The following GRIA1 variants were observed in gnomAD, a reference collection of about 807,000 sequenced individuals.
The protein encoded by GRIA1 is glutamate receptor 1.
Under a neutral mutation model 99.2 loss-of-function variants are expected in GRIA1, and 31 were observed. That is an observed-to-expected ratio of 0.31 (90% CI 0.23 to 0.42). The LOEUF (loss-of-function observed/expected upper bound fraction) is 0.42, where lower values mean the gene tolerates loss of function less well. GRIA1 is among the 10% of genes least tolerant of loss of function. The pLI, the probability that GRIA1 is intolerant of heterozygous loss-of-function variation, is 1.00. For missense variants in GRIA1, 782 were observed against 1,157.5 expected, an observed-to-expected ratio of 0.68 and a Z score of 4.71; for synonymous variants, 438 against 432.4, an observed-to-expected ratio of 1.01 and a Z score of -0.16.
chr5:153,598,494 GA>G (rs1253916136), intron 2 of GRIA1, among the ~76,000 whole-genome samples: 2 of 152,128 alleles, frequency 1.3e-5, no homozygotes, highest in African/African-American at 4.8e-5. Flanking sequence ...AGATAAGGTG[GA>G]AAAGCAGTTT....
intron 2 of GRIA1, among the ~76,000 whole-genome samples, chr5:153,580,993 G>A (rs1402277160): frequency 6.6e-6 from 1 of 152,202 alleles, no homozygotes; most frequent in African/African-American, 2.4e-5. Context: ...GATGTTTCAA[G>A]AGATAACCCT....
intron 2 of GRIA1, among the ~76,000 whole-genome samples, chr5:153,578,315 C>T (rs1762757891): frequency 6.6e-6 from 1 of 151,974 alleles, no homozygotes; most frequent in Non-Finnish European, 1.5e-5. Flanking sequence ...GTAAAAGTGA[C>T]ATTTAAGCCT....
At chr5:153,578,834 C>G (rs35540964) in intron 2 of GRIA1, among the ~76,000 whole-genome samples, 16,192 of 152,056 alleles carry the variant, frequency 0.11, 956 homozygotes, top group South Asian at 0.25. Context: ...CTTGAACCCG[C>G]CAGGTGGAGA....
rs1259989132 is a variant in GRIA1 at position 153,812,619 on chromosome 5, A to T, written c.*1394A>T. 6.6e-6 allele frequency: 1 copy of T among 152,222 alleles called. No homozygotes were observed. The highest frequency in any genetic ancestry group is 1.5e-5 in the Non-Finnish European group (1 of 68,054). 9.4% of individuals were successfully genotyped at this position (152,222 alleles called of 1,614,324 possible). The stretch of plus-strand genomic sequence containing the variant: ...AACTCAAAGAGGCTGACCTTCCCCC[A>T]GCTAAGATAGCATGAGGACGTTGTA... On this transcript the variant is annotated 3_prime_UTR_variant, in exon 16 of 16. Transcript: ENST00000285900.
At chr5:153,609,995 C>T (rs1171293920) in intron 2 of GRIA1, among the ~76,000 whole-genome samples, 1 of 152,170 alleles carries the variant, frequency 6.6e-6, no homozygotes, top group Non-Finnish European at 1.5e-5. Context: ...ACTCCTAAAG[C>T]CCCTATGGGG....
intron 10 of GRIA1, 98 bp from the exon 11 acceptor site, chr5:153,705,599 C>G: frequency 7.2e-7 from 1 of 1,382,922 alleles, no homozygotes; most frequent in South Asian, 1.6e-5. Flanking sequence ...CTTTAAGACA[C>G]AAAAGAATAG....
intron 2 of GRIA1, among the ~76,000 whole-genome samples, chr5:153,525,960 T>A (rs1757556012): frequency 6.6e-6 from 1 of 152,182 alleles, no homozygotes; most frequent in Admixed American, 6.5e-5. Context: ...AAGTTTCCTA[T>A]TAGTAATTTA....
intron 2 of GRIA1, among the ~76,000 whole-genome samples, chr5:153,517,006 A>G (rs1420529071): frequency 6.6e-6 from 1 of 152,148 alleles, no homozygotes; most frequent in African/African-American, 2.4e-5. Context: ...ACAAATGACG[A>G]AATATTGGGT....
chr5:153,520,131 C>T (rs492014), intron 2 of GRIA1, among the ~76,000 whole-genome samples: 127,619 of 152,220 alleles, frequency 0.84, 53,901 homozygotes, highest in East Asian at 1. Context: ...AACCTCTAGA[C>T]CCAAGGCTTC....
chr5:153,572,583 G>T (rs1037922372), intron 2 of GRIA1, among the ~76,000 whole-genome samples: 2 of 152,160 alleles, frequency 1.3e-5, no homozygotes, highest in Non-Finnish European at 2.9e-5. Context: ...GGATTGGCTG[G>T]CAAAAGTGCC....
At chr5:153,713,976 G>A (rs2149530989) in intron 11 of GRIA1, among the ~76,000 whole-genome samples, 1 of 152,286 alleles carries the variant, frequency 6.6e-6, no homozygotes, top group East Asian at 1.9e-4. Flanking sequence ...GAGAGAAGAG[G>A]CAGGCAATAA....
intron 4 of GRIA1, among the ~76,000 whole-genome samples, chr5:153,653,044 C>A (rs910203762): frequency 1.3e-5 from 2 of 152,144 alleles, no homozygotes; most frequent in Non-Finnish European, 2.9e-5. Flanking sequence ...GTGTCTGTCT[C>A]CAGCCCCCAC....
At position 153,722,240 on chromosome 5, in the gene GRIA1, G is replaced by GT. The variant is rs539186989; in HGVS notation, c.1823+16175dup. ...AAGTCCTTTTTTAGTTGTATATATTGTTAATATTGTCTCTCATTCTGTGGC... is the reference window on the plus strand; with the variant it reads ...AAGTCCTTTTTTAGTTGTATATATTGTTTAATATTGTCTCTCATTCTGTGGC... On this transcript the variant is annotated intron_variant, in intron 11 of 15. Transcript: ENST00000285900. Among the ~76,000 whole-genome samples the GT allele has an allele frequency of 4.6e-5, 7 of 152,122 alleles. No homozygotes were observed. The East Asian group carries it at 1.4e-3, about 29-fold the overall frequency.
At chr5:153,524,765 T>C (rs1412672926) in intron 2 of GRIA1, among the ~76,000 whole-genome samples, 2 of 152,178 alleles carry the variant, frequency 1.3e-5, no homozygotes, top group African/African-American at 2.4e-5. Context: ...TTGTACCTTC[T>C]TGGCCAACAA....
At chr5:153,700,889 T>G (rs1436212542) in intron 10 of GRIA1, among the ~76,000 whole-genome samples, 1 of 152,152 alleles carries the variant, frequency 6.6e-6, no homozygotes, top group Non-Finnish European at 1.5e-5. Context: ...GCTTTTGAGA[T>G]GACATGTGAA....
At chr5:153,782,293 A>T (rs1764684551) in intron 13 of GRIA1, among the ~76,000 whole-genome samples, 1 of 152,218 alleles carries the variant, frequency 6.6e-6, no homozygotes, top group South Asian at 2.1e-4. Flanking sequence ...GAACCCAGAT[A>T]GTCCAAGTTC....
rs539948464 is a variant in GRIA1 at position 153,492,729 on chromosome 5, A to G, written c.83-1199A>G. Among the ~76,000 whole-genome samples the G allele has an allele frequency of 1.2e-4, 19 of 152,292 alleles. No individual in the cohort carries two copies. The South Asian group carries it at 3.9e-3, about 32-fold the overall frequency. On this transcript the variant is annotated intron_variant, in intron 1 of 15. Coordinates refer to ENST00000285900, the MANE Select transcript of GRIA1 (RefSeq NM_000827.4). The stretch of plus-strand genomic sequence containing the variant: ...TTCTCATGTATCTCTGCATATTTTT[A>G]AAATTATATTTAGCCCTAACTTGGT...
intron 2 of GRIA1, among the ~76,000 whole-genome samples, chr5:153,547,550 C>G (rs1356722490): frequency 6.6e-6 from 1 of 152,176 alleles, no homozygotes; most frequent in Non-Finnish European, 1.5e-5. Flanking sequence ...GGAGTTGTAA[C>G]TCAACACTTC....
chr5:153,535,009 C>T (rs1758435464), intron 2 of GRIA1, among the ~76,000 whole-genome samples: 1 of 151,928 alleles, frequency 6.6e-6, no homozygotes, highest in South Asian at 2.1e-4. Context: ...ATAACTTTTA[C>T]CTCCTGGGTT....
Sources: gnomAD v4.1 joint callset for allele counts (sites outside exome capture counted in the v4.1 genomes callset) on GRCh38, gnomAD v4.1.1 for gene constraint, MANE v1.5 for transcripts, NCBI Gene and HGNC (gene_info 2026-07-23, HGNC 2026-07-21) for gene names.